DPYD: variants seen among roughly 807,000 people sequenced by gnomAD.
DPYD encodes dihydropyrimidine dehydrogenase, also known as dihydropyrimidine dehydrogenase [NADP(+)].
Under a neutral mutation model 116.2 loss-of-function variants are expected in DPYD, and 109 were observed. The ratio of observed to expected loss-of-function variants is 0.94; its 90% CI spans 0.80 to 1.10. The LOEUF is 1.10. Among genes scored for constraint, DPYD ranks in the 50% least tolerant of loss-of-function variants. The probability of loss-of-function intolerance (pLI) is 0.00; values close to 1 mark genes in which losing one functional copy is unlikely to be tolerated. For missense variants in DPYD, 1,302 were observed against 1,254.5 expected, an observed-to-expected ratio of 1.04 and a Z score of -0.57; for synonymous variants, 440 against 432.0, an observed-to-expected ratio of 1.02 and a Z score of -0.23.
intron 12 of DPYD, among the ~76,000 whole-genome samples, chr1:97,517,612 T>C (rs57829651): frequency 6.6e-5 from 10 of 152,218 alleles, no homozygotes; most frequent in African/African-American, 2.4e-4. Flanking sequence ...ACCAGCCTCT[T>C]TGTACTTAAT....
intron 11 of DPYD, among the ~76,000 whole-genome samples, chr1:97,563,240 T>C (rs553639322): frequency 6.6e-6 from 1 of 152,234 alleles, no homozygotes; most frequent in South Asian, 2.1e-4. Flanking sequence ...AGTTTTAGTT[T>C]AACATTTCAC....
At chr1:97,225,277 G>T (rs749628363) in intron 19 of DPYD, among the ~76,000 whole-genome samples, 3 of 151,848 alleles carry the variant, frequency 2.0e-5, no homozygotes, top group Non-Finnish European at 4.4e-5. Flanking sequence ...TATCTTGTTT[G>T]ATAATAGTTA....
intron 19 of DPYD, among the ~76,000 whole-genome samples, chr1:97,219,818 A>G (rs1416689060): frequency 6.6e-6 from 1 of 152,140 alleles, no homozygotes. Flanking sequence ...TTCACTCCTC[A>G]AGTGCAGAAT....
chr1:97,568,112 AG>A lies in DPYD; in HGVS notation c.1339+5647del, dbSNP rs1570974386. ...TTACAGACTGTTCAATCTTTTTTTCAGGAAAAAAACTAACCAAATATATTGA... is the reference window on the plus strand; with the variant it reads ...TTACAGACTGTTCAATCTTTTTTTCAGAAAAAAACTAACCAAATATATTGA... On this transcript the variant is annotated intron_variant, in intron 11 of 22. Transcript: ENST00000370192. Among the ~76,000 whole-genome samples, 3 of 152,106 alleles carry A rather than the reference AG, an allele frequency of 2.0e-5. No individual in the cohort carries two copies. The East Asian group carries it at 5.8e-4, about 29-fold the overall frequency.
chr1:97,185,442 T>C (rs6703589), intron 20 of DPYD, among the ~76,000 whole-genome samples: 25,817 of 152,108 alleles, frequency 0.17, 2,663 homozygotes, highest in Middle Eastern at 0.27. Flanking sequence ...GTAAAACTTA[T>C]GCATCCACCT....
chr1:97,798,451 T>C (rs1667688647), intron 3 of DPYD, among the ~76,000 whole-genome samples: 1 of 152,052 alleles, frequency 6.6e-6, no homozygotes, highest in South Asian at 2.1e-4. Flanking sequence ...TGTATGACCA[T>C]GGGCAAATAT....
At position 97,108,018 on chromosome 1, in the gene DPYD, G is replaced by C. The variant is rs1367606038; in HGVS notation, c.2623-9386C>G. 3.3e-5 allele frequency among the ~76,000 whole-genome samples: 5 copies of C among 152,090 alleles called. No individual in the cohort carries two copies. In the East Asian group the frequency reaches 9.6e-4, roughly 29 times the overall value. ...TGGTCCTGTTTATTACTGGCCTCAA[G>C]TTTAATGAGCTCAAGTTAATACAGG... On this transcript the variant is annotated intron_variant, in intron 20 of 22. Coordinates refer to ENST00000370192, the MANE Select transcript of DPYD (RefSeq NM_000110.4).
rs201872835 is a variant in DPYD, at chr1:97,693,290, CAAAAAAAAAA to C, written c.681-1502_681-1493del. Among the ~76,000 whole-genome samples, 9 of 41,846 alleles carry C rather than the reference CAAAAAAAAAA, an allele frequency of 2.2e-4. 1 individual carries two copies. The highest frequency in any genetic ancestry group is 8.4e-4 in the African/African-American group (6 of 7,182). The allele number at this position is 41,846 out of a possible 152,430, so 27.5% of individuals were successfully genotyped here. A position where few individuals can be genotyped will look rare whatever the true frequency, so the allele number is the denominator to read the frequency against. The stretch of plus-strand genomic sequence containing the variant: ...TGGGCGACAGAGCCAGACTCCGTCT[CAAAAAAAAAA>C]AAAAAAAAAAAAAAAAACCAAAAAA... On this transcript the variant is annotated intron_variant, in intron 6 of 22. Coordinates refer to ENST00000370192, the MANE Select transcript of DPYD (RefSeq NM_000110.4).
At chr1:97,753,990 C>T (rs538766095) in intron 3 of DPYD, among the ~76,000 whole-genome samples, 2 of 152,206 alleles carry the variant, frequency 1.3e-5, no homozygotes, top group African/African-American at 4.8e-5. Flanking sequence ...ACTATAACCT[C>T]ATGCAAGCTT....
chr1:97,319,651 G>T (rs1273165151), intron 16 of DPYD, among the ~76,000 whole-genome samples: 1 of 109,366 alleles, frequency 9.1e-6, no homozygotes, highest in African/African-American at 3.7e-5. Flanking sequence ...TCTACCAGAG[G>T]TACAAGGAGG....
intron 3 of DPYD, among the ~76,000 whole-genome samples, chr1:97,789,333 C>A (rs1169830230): frequency 6.6e-6 from 1 of 152,132 alleles, no homozygotes. Flanking sequence ...CTGACCCTCC[C>A]TCAGAAATGC....
chr1:97,217,587 C>T (rs904827248), intron 19 of DPYD, among the ~76,000 whole-genome samples: 1 of 151,682 alleles, frequency 6.6e-6, no homozygotes, highest in African/African-American at 2.4e-5. Context: ...TAAATGTGTG[C>T]CCAAATTGTT....
At chr1:97,661,984 A>C (rs2100869672) in intron 8 of DPYD, among the ~76,000 whole-genome samples, 1 of 149,926 alleles carries the variant, frequency 6.7e-6, no homozygotes, top group Non-Finnish European at 1.5e-5. Context: ...AGTATTTCCA[A>C]GTCAACTTTT....
chr1:97,264,717 G>T (rs1664120319), intron 18 of DPYD, among the ~76,000 whole-genome samples: 1 of 152,002 alleles, frequency 6.6e-6, no homozygotes, highest in South Asian at 2.1e-4. Flanking sequence ...ATTGTGCTCA[G>T]ATGGATCAAA....
chr1:97,294,390 T>C (rs1666394269), intron 18 of DPYD, among the ~76,000 whole-genome samples: 1 of 151,116 alleles, frequency 6.6e-6, no homozygotes, highest in African/African-American at 2.4e-5. Context: ...TTAGTATAGG[T>C]TTTTTAAATC....
intron 13 of DPYD, among the ~76,000 whole-genome samples, chr1:97,470,260 C>G (rs1004814766): frequency 1.3e-5 from 2 of 151,688 alleles, no homozygotes; most frequent in African/African-American, 2.4e-5. Context: ...GCCACCCAGA[C>G]AAGTAAACAG....
intron 13 of DPYD, among the ~76,000 whole-genome samples, chr1:97,494,687 A>C (rs538278636): frequency 6.6e-6 from 1 of 151,982 alleles, no homozygotes; most frequent in Admixed American, 6.6e-5. Flanking sequence ...GGCTACAGTG[A>C]GCTGTAATCA....
intron 18 of DPYD, among the ~76,000 whole-genome samples, chr1:97,285,908 T>C (rs1047844037): frequency 2.0e-5 from 3 of 152,216 alleles, no homozygotes; most frequent in African/African-American, 4.8e-5. Flanking sequence ...CTGGACCATT[T>C]AGTCCATTTA....
In DPYD at chr1:97,778,126, C is replaced by G. The variant is rs182956872; in HGVS notation, c.234-37647G>C. ...TGAGTCAAGGCTCCGCCACTGAACT[C>G]CAATCTGGGCAACAGAGTAAGACCC... On this transcript the variant is annotated intron_variant, in intron 3 of 22. Transcript: ENST00000370192. 5.5e-3 allele frequency among the ~76,000 whole-genome samples: 711 copies of G among 129,862 alleles called. 7 individuals are homozygous for G. The highest frequency in any genetic ancestry group is 0.018 in the African/African-American group (627 of 34,814). 85.2% of individuals were successfully genotyped at this position (129,862 alleles called of 152,430 possible). A position where few individuals can be genotyped will look rare whatever the true frequency, so the allele number is the denominator to read the frequency against.
Sources: gnomAD v4.1 joint callset for allele counts (sites outside exome capture counted in the v4.1 genomes callset) on GRCh38, gnomAD v4.1.1 for gene constraint, MANE v1.5 for transcripts, NCBI Gene and HGNC (gene_info 2026-07-23, HGNC 2026-07-21) for gene names.